The following ARHGAP29 variants were observed in gnomAD, a reference collection of about 807,000 sequenced individuals.
ARHGAP29 encodes the protein rho GTPase-activating protein 29.
ARHGAP29 carries 43 observed loss-of-function variants against 122.6 expected under a neutral mutation model. The ratio of observed to expected loss-of-function variants is 0.35; its 90% CI spans 0.27 to 0.45. The LOEUF is 0.45. Among genes scored for constraint, ARHGAP29 ranks in the 20% least tolerant of loss-of-function variants. ARHGAP29 has a pLI of 1.00. For missense variants in ARHGAP29, 1,303 were observed against 1,477.2 expected (o/e 0.88, Z 1.93); for synonymous variants, 506 against 497.1 (o/e 1.02, Z -0.24).
the ARHGAP29 span, among the ~76,000 whole-genome samples, chr1:94,300,948 G>A: frequency 6.6e-6 from 1 of 152,188 alleles, no homozygotes; most frequent in Non-Finnish European, 1.5e-5. Context: ...TCAGACCTTG[G>A]ACACACTAAC....
At chr1:94,259,553 G>A (rs549514941) in intron 1 of ARHGAP29, among the ~76,000 whole-genome samples, 6 of 152,276 alleles carry the variant, frequency 3.9e-5, no homozygotes, top group African/African-American at 1.4e-4. Flanking sequence ...AGAGAAAACA[G>A]AGACACAAGG....
At chr1:94,233,553 C>T (rs1052041817) in intron 1 of ARHGAP29, among the ~76,000 whole-genome samples, 2 of 152,044 alleles carry the variant, frequency 1.3e-5, no homozygotes, top group African/African-American at 4.8e-5. Flanking sequence ...ACTGAAAACC[C>T]TTCCAAAGTA....
the ARHGAP29 span, among the ~76,000 whole-genome samples, chr1:94,295,590 T>C: frequency 1.3e-5 from 2 of 152,316 alleles, no homozygotes; most frequent in East Asian, 3.9e-4. Context: ...AAAAGATTAA[T>C]GATCTGTGAA....
Position 94,171,825 on chromosome 1 carries a change from A to G in ARHGAP29, c.*2044T>C, listed in dbSNP as rs1648754052. 6.6e-6 allele frequency: 1 copy of G among 152,164 alleles called. No homozygotes were observed. Among genetic ancestry groups the G allele is most frequent in the Non-Finnish European group, 1.5e-5 (1 of 68,034 alleles). The allele number at this position is 152,164 out of a possible 1,614,324, so 9.4% of individuals were successfully genotyped here. A position where few individuals can be genotyped will look rare whatever the true frequency, so the allele number is the denominator to read the frequency against. On this transcript the variant is annotated 3_prime_UTR_variant, in exon 23 of 23. Coordinates refer to ENST00000260526, the MANE Select transcript of ARHGAP29 (RefSeq NM_004815.4). Reference sequence around the variant, plus strand: ...ACCTTTGGGTGGGCTCCATATATTAAAAGAGAACTGAAGAAGTTTAAAAGT... The same window carrying G: ...ACCTTTGGGTGGGCTCCATATATTAGAAGAGAACTGAAGAAGTTTAAAAGT...
intron 8 of ARHGAP29, 58 bp downstream of exon 8, chr1:94,203,872 T>G (rs1250468660): frequency 2.1e-5 from 31 of 1,466,224 alleles, no homozygotes; most frequent in African/African-American, 4.2e-5. Context: ...TTGCAAATTA[T>G]TGGGAGTTCA....
the ARHGAP29 span, among the ~76,000 whole-genome samples, chr1:94,293,524 A>G: frequency 1.3e-5 from 2 of 152,110 alleles, no homozygotes; most frequent in African/African-American, 4.8e-5. Context: ...TGAACCAGGT[A>G]TCTCAGTAGG....
intron 12 of ARHGAP29, 27 bp from the exon 13 acceptor site, chr1:94,190,110 G>C: frequency 6.2e-7 from 1 of 1,608,834 alleles, no homozygotes; most frequent in Non-Finnish European, 8.5e-7. Context: ...AAAAGGCAGA[G>C]TAACTCATGA....
chr1:94,232,924 G>A lies in ARHGAP29; in HGVS notation c.-32-1281C>T, dbSNP rs956780528. On this transcript the variant is annotated intron_variant, in intron 1 of 22. Coordinates refer to ENST00000260526, the MANE Select transcript of ARHGAP29 (RefSeq NM_004815.4). Reference sequence around the variant, plus strand: ...ACTTCTATAAAATTTACAGTAGAAAGTTTTTTGGTTTTTTTTTTTTTTGGA... The same window carrying A: ...ACTTCTATAAAATTTACAGTAGAAAATTTTTTGGTTTTTTTTTTTTTTGGA... 4.0e-5 allele frequency among the ~76,000 whole-genome samples: 6 copies of A among 148,442 alleles called. No homozygotes were observed. In the Middle Eastern group the frequency reaches 0.014, roughly 348 times the overall value.
the ARHGAP29 span, among the ~76,000 whole-genome samples, chr1:94,281,222 A>C: frequency 1.3e-5 from 2 of 152,352 alleles, no homozygotes; most frequent in East Asian, 3.8e-4. Context: ...ATGTATTCAC[A>C]CATATGCATT....
upstream of ARHGAP29, among the ~76,000 whole-genome samples, chr1:94,278,629 G>C (rs1655262738): frequency 6.6e-6 from 1 of 151,656 alleles, no homozygotes; most frequent in South Asian, 2.1e-4. Flanking sequence ...GAAATGTCTT[G>C]AGAGACATTC....
chr1:94,187,728 T>C (rs776792380), intron 15 of ARHGAP29, among the ~76,000 whole-genome samples: 3 of 152,116 alleles, frequency 2.0e-5, no homozygotes, highest in Non-Finnish European at 4.4e-5. Flanking sequence ...CCTAAATAAT[T>C]TGGGGCTTGC....
intron 2 of ARHGAP29, among the ~76,000 whole-genome samples, chr1:94,220,629 A>G (rs1341941481): frequency 3.5e-4 from 54 of 152,126 alleles, no homozygotes; most frequent in Admixed American, 3.4e-3. Context: ...TGGTCAATTT[A>G]AGTACTTCAT....
the ARHGAP29 span, among the ~76,000 whole-genome samples, chr1:94,307,102 C>A: frequency 6.6e-6 from 1 of 151,950 alleles, no homozygotes; most frequent in Admixed American, 6.6e-5. Flanking sequence ...ATAAAAGTAC[C>A]TTCATTTTTT....
intron 5 of ARHGAP29, among the ~76,000 whole-genome samples, chr1:94,206,439 C>G (rs1469739478): frequency 6.6e-6 from 1 of 152,174 alleles, no homozygotes; most frequent in African/African-American, 2.4e-5. Context: ...TGAAGTCCAG[C>G]TCCATTATTA....
At chr1:94,207,914 C>T (rs1340383612) in intron 5 of ARHGAP29, among the ~76,000 whole-genome samples, 1 of 151,870 alleles carries the variant, frequency 6.6e-6, no homozygotes, top group Non-Finnish European at 1.5e-5. Flanking sequence ...AATCACAGCT[C>T]ACTGCAGCCT....
chr1:94,313,241 C>A, the ARHGAP29 span, among the ~76,000 whole-genome samples: 3 of 152,184 alleles, frequency 2.0e-5, no homozygotes, highest in Admixed American at 6.5e-5. Flanking sequence ...GCTCTTCCCC[C>A]TAGTTATCCA....
Position 94,203,935 on chromosome 1 carries a change from T to C in ARHGAP29, c.757A>G (p.Ile253Val). 1 of 1,613,796 alleles carries C rather than the reference T, an allele frequency of 6.2e-7. No homozygotes were observed. The highest frequency in any genetic ancestry group is 8.5e-7 in the Non-Finnish European group (1 of 1,179,828). The change falls in exon 8 of 23, where the codon ATT (isoleucine) becomes GTT (valine). Residue 253 changes from isoleucine to valine, a missense_variant. Coordinates refer to ENST00000260526, the MANE Select transcript of ARHGAP29 (RefSeq NM_004815.4). Reference sequence around the variant, plus strand: ...GAAGTTCACAGAACACTTACCTGAATTCCAATGTTAGTTCTAGTTGCCTCT... The same window carrying C: ...GAAGTTCACAGAACACTTACCTGAACTCCAATGTTAGTTCTAGTTGCCTCT... ...LAEATRTNIG[I>V]QEFMPLQSLF...
chr1:94,233,235 G>A (rs1653034089), intron 1 of ARHGAP29, among the ~76,000 whole-genome samples: 1 of 152,034 alleles, frequency 6.6e-6, no homozygotes, highest in Admixed American at 6.5e-5. Flanking sequence ...TTACAAGCAT[G>A]AGCCACCATG....
chr1:94,198,513 A>G (rs1171624850), intron 12 of ARHGAP29, among the ~76,000 whole-genome samples: 1 of 152,034 alleles, frequency 6.6e-6, no homozygotes, highest in East Asian at 1.9e-4. Context: ...CCAATTAACA[A>G]TGGGAATTTT....
Sources: allele counts gnomAD v4.1 joint callset (sites outside exome capture counted in the v4.1 genomes callset), GRCh38; gene constraint gnomAD v4.1.1; transcripts MANE v1.5; gene names NCBI Gene and HGNC (gene_info 2026-07-23, HGNC 2026-07-21).